The following RB1 variants were observed in gnomAD, a reference collection of about 807,000 sequenced individuals.
RB1 encodes retinoblastoma-associated protein.
Under a neutral mutation model 135.4 loss-of-function variants are expected in RB1, and 18 were observed. The observed-to-expected ratio is 0.13, with a 90% confidence interval of 0.09 to 0.20. The LOEUF is 0.20. Among genes scored for constraint, RB1 ranks in the 10% least tolerant of loss-of-function variants. RB1 has a pLI of 1.00. For synonymous variants in RB1, 365 were observed against 373.2 expected (o/e 0.98, Z 0.25); for missense variants, 868 against 1,110.0 (o/e 0.78, Z 3.10).
chr13:48,399,946 C>T (rs1312650606), intron 17 of RB1, among the ~76,000 whole-genome samples: 1 of 151,960 alleles, frequency 6.6e-6, no homozygotes, highest in Non-Finnish European at 1.5e-5. Flanking sequence ...TCACTCCTCC[C>T]CACCACACCA....
At position 48,319,083 on chromosome 13, in the gene RB1, C is replaced by G; in HGVS notation, c.264+11677C>G. On this transcript the variant is annotated intron_variant, in intron 2 of 26. Coordinates refer to ENST00000267163, the MANE Select transcript of RB1 (RefSeq NM_000321.3). This position sits in a 1 kb window ranked among gnomAD's most constrained non-coding sequence, Gnocchi z 5.0. Reference sequence around the variant, plus strand: ...GTGTCTGCCTGGCACGAGGACCGTTCTACAAACTCGTTCCTGGAAGCCGGG... The same window carrying G: ...GTGTCTGCCTGGCACGAGGACCGTTGTACAAACTCGTTCCTGGAAGCCGGG... 2 of 614,888 alleles carry G rather than the reference C, an allele frequency of 3.3e-6. No homozygotes were observed. Among genetic ancestry groups the G allele is most frequent in the South Asian group, 1.5e-5 (1 of 66,206 alleles). The allele number at this position is 614,888 out of a possible 1,614,324, so 38.1% of individuals were successfully genotyped here. A position where few individuals can be genotyped will look rare whatever the true frequency, so the allele number is the denominator to read the frequency against.
intron 2 of RB1, chr13:48,328,016 TA>T (rs1329785839): frequency 8.7e-6 from 6 of 689,476 alleles, no homozygotes; most frequent in South Asian, 1.8e-5. Flanking sequence ...ATACCATTCT[TA>T]AAAAAAGGAA....
chr13:48,397,471 C>T (rs1337918237), intron 17 of RB1, among the ~76,000 whole-genome samples: 1 of 152,090 alleles, frequency 6.6e-6, no homozygotes, highest in African/African-American at 2.4e-5. Flanking sequence ...TGGAGGGGAA[C>T]ATCACACACC....
At chr13:48,408,920 A>G (rs1383886159) in intron 17 of RB1, among the ~76,000 whole-genome samples, 1 of 152,140 alleles carries the variant, frequency 6.6e-6, no homozygotes, top group Non-Finnish European at 1.5e-5. Flanking sequence ...GAGAAATCTC[A>G]AAGTTATACA....
chr13:48,408,397 C>T (rs190143088), intron 17 of RB1, among the ~76,000 whole-genome samples: 1 of 152,114 alleles, frequency 6.6e-6, no homozygotes, highest in East Asian at 1.9e-4. Flanking sequence ...AAAATTTTCT[C>T]AGCTTACTGT....
intron 17 of RB1, among the ~76,000 whole-genome samples, chr13:48,446,602 C>A (rs753918690): frequency 3.3e-5 from 5 of 152,142 alleles, no homozygotes; most frequent in Non-Finnish European, 7.3e-5. Flanking sequence ...GATGTTTAGA[C>A]AAGGCTTTGC....
chr13:48,379,703 T>G, intron 14 of RB1, 53 bp downstream of exon 14: 1 of 1,571,390 alleles, frequency 6.4e-7, no homozygotes. Context: ...GGCTCACGCC[T>G]GCAATCCCAG....
At chr13:48,460,084 C>T (rs1472020427) in intron 20 of RB1, among the ~76,000 whole-genome samples, 3 of 151,212 alleles carry the variant, frequency 2.0e-5, no homozygotes, top group African/African-American at 2.4e-5. Context: ...ATTCTCCTGC[C>T]TCAGCCTCCC....
intron 23 of RB1, among the ~76,000 whole-genome samples, chr13:48,466,000 C>G (rs1282510782): frequency 6.8e-6 from 1 of 146,468 alleles, no homozygotes; most frequent in African/African-American, 2.5e-5. Flanking sequence ...TGCCATTGCC[C>G]AGGCTTGCTT....
In RB1 at chr13:48,376,971, A is replaced by G; in HGVS notation, c.1269A>G (p.Gly423=). 1 of 1,613,868 alleles carries G rather than the reference A, an allele frequency of 6.2e-7. No homozygotes were observed. The highest frequency in any genetic ancestry group is 8.5e-7 in the Non-Finnish European group (1 of 1,179,878). Residue 423 remains glycine, a synonymous_variant, in exon 13 of 27, where the codon GGA becomes GGG. Coordinates refer to ENST00000267163, the MANE Select transcript of RB1 (RefSeq NM_000321.3). Reference sequence around the variant, plus strand: ...TACTGAAAAGAGTGAAGGATATAGGATACATCTTTAAAGAGAAATTTGCTA... The same window carrying G: ...TACTGAAAAGAGTGAAGGATATAGGGTACATCTTTAAAGAGAAATTTGCTA... ...ESILKRVKDI[G]YIFKEKFAKA...
intron 11 of RB1, among the ~76,000 whole-genome samples, chr13:48,370,715 C>G (rs1952749825): frequency 6.6e-6 from 1 of 152,134 alleles, no homozygotes; most frequent in Admixed American, 6.5e-5. Flanking sequence ...TTCTCTGAAC[C>G]CTGCCCTTTT....
At chr13:48,321,468 G>A (rs1289758394) in intron 2 of RB1, among the ~76,000 whole-genome samples, 2 of 151,506 alleles carry the variant, frequency 1.3e-5, no homozygotes, top group Non-Finnish European at 2.9e-5. Flanking sequence ...TGATAAGGTG[G>A]TATCTCATTA....
At chr13:48,401,344 A>T (rs1326675262) in intron 17 of RB1, 2 of 152,208 alleles carry the variant, frequency 1.3e-5, no homozygotes, top group African/African-American at 2.4e-5. Flanking sequence ...AGAATTCTGG[A>T]TATGCAAGAA....
intron 17 of RB1, chr13:48,412,293 C>G: frequency 6.2e-7 from 1 of 1,613,726 alleles, no homozygotes; most frequent in Non-Finnish European, 8.5e-7. Context: ...TTTGAGGACG[C>G]AGATGAAAAT....
intron 17 of RB1, among the ~76,000 whole-genome samples, chr13:48,419,508 C>T (rs1948971034): frequency 1.3e-5 from 2 of 152,058 alleles, no homozygotes; most frequent in Non-Finnish European, 2.9e-5. Context: ...AATTCAAAAG[C>T]TAGCAGAAGA....
chr13:48,402,619 C>T (rs1278997490), intron 17 of RB1, among the ~76,000 whole-genome samples: 1 of 151,984 alleles, frequency 6.6e-6, no homozygotes, highest in Non-Finnish European at 1.5e-5. Flanking sequence ...TCAAGTGATC[C>T]TATTGCTTTG....
intron 24 of RB1, chr13:48,476,276 CTT>C (rs1751264815): frequency 5.0e-6 from 1 of 201,634 alleles, no homozygotes; most frequent in Non-Finnish European, 1.0e-5. Flanking sequence ...CACATCATCT[CTT>C]ATCAAATTCT....
chr13:48,421,326 G>T (rs1169275201), intron 17 of RB1, among the ~76,000 whole-genome samples: 1 of 152,104 alleles, frequency 6.6e-6, no homozygotes, highest in Non-Finnish European at 1.5e-5. Flanking sequence ...GCAGAAAACT[G>T]AAACTGGACC....
chr13:48,473,164 G>A (rs1949482701), intron 23 of RB1, among the ~76,000 whole-genome samples, 196 bp from the exon 24 acceptor site: 1 of 152,142 alleles, frequency 6.6e-6, no homozygotes, highest in Non-Finnish European at 1.5e-5. Flanking sequence ...TTAAAACTAA[G>A]AGACTAGGTG....
Sources: gnomAD v4.1 joint callset for allele counts (sites outside exome capture counted in the v4.1 genomes callset) on GRCh38, gnomAD v4.1.1 for gene constraint, Gnocchi (gnomAD v3.1) non-coding constraint, MANE v1.5 for transcripts, NCBI Gene and HGNC (gene_info 2026-07-23, HGNC 2026-07-21) for gene names.